Variants in VPS26C observed in about 807,000 individuals in gnomAD.
VPS26C encodes the protein VPS26 endosomal protein sorting factor C.
VPS26C carries 19 observed loss-of-function variants against 30.6 expected under a neutral mutation model. The observed-to-expected ratio is 0.62, with a 90% CI of 0.43 to 0.91. The LOEUF is 0.91. Ranked by LOEUF, VPS26C falls within the 40% of genes least tolerant of loss-of-function variation. VPS26C has a pLI of 0.00. For missense variants in VPS26C, 318 were observed against 385.1 expected (o/e 0.83, Z 1.46); for synonymous variants, 132 against 151.5 (o/e 0.87, Z 0.95).
upstream of VPS26C, chr21:37,267,391 C>T (rs947434078): frequency 8.9e-7 from 1 of 1,128,954 alleles, no homozygotes; most frequent in Non-Finnish European, 1.3e-6. Context: ...GCCCCTTTCC[C>T]TCTCTGCCGG....
intron 1 of VPS26C, among the ~76,000 whole-genome samples, chr21:37,254,227 G>C (rs979699275): frequency 6.6e-6 from 1 of 152,200 alleles, no homozygotes; most frequent in Non-Finnish European, 1.5e-5. Flanking sequence ...TATGAATCAC[G>C]ATAGTGCAGC....
At chr21:37,248,048 A>T (rs2148298333) in intron 1 of VPS26C, among the ~76,000 whole-genome samples, 1 of 152,304 alleles carries the variant, frequency 6.6e-6, no homozygotes, top group Middle Eastern at 3.4e-3. Context: ...CAGATCAAAC[A>T]GTGTCCACAC....
intron 1 of VPS26C, among the ~76,000 whole-genome samples, chr21:37,263,748 C>A (rs181017416): frequency 9.2e-5 from 14 of 152,284 alleles, no homozygotes; most frequent in Non-Finnish European, 1.6e-4. Context: ...CCTCAAGCAA[C>A]CCATAAGAAT....
chr21:37,228,724 C>G (rs1684725494), intron 5 of VPS26C: 1 of 189,156 alleles, frequency 5.3e-6, no homozygotes, highest in South Asian at 9.2e-5. Flanking sequence ...CAACCTGACA[C>G]ACACACAGTT....
chr21:37,225,578 G>T lies in VPS26C; in HGVS notation c.860C>A (p.Thr287Lys). The change falls in exon 8 of 8, where the codon ACG becomes AAG. Residue 287 changes from threonine (T) to lysine (K), a missense_variant. Coordinates refer to ENST00000309117, the MANE Select transcript of VPS26C (RefSeq NM_006052.2). ...GCAGAGCTTCAGCGGGAAGTTCTCC[G>T]TGATGAGGTGGTCAGGGTGAAGCAG... ...VVLLHPDHLI[T>K]ENFPLKLCRI The T allele has an allele frequency of 6.2e-7, 1 of 1,614,112 alleles. No individual in the cohort carries two copies. The highest frequency in any genetic ancestry group is 8.5e-7 in the Non-Finnish European group (1 of 1,180,006).
intron 3 of VPS26C, among the ~76,000 whole-genome samples, chr21:37,236,210 C>T (rs1047123714): frequency 4.6e-5 from 7 of 152,136 alleles, no homozygotes; most frequent in African/African-American, 7.2e-5. Context: ...AGAGTAAGTG[C>T]GGTAAACAGT....
At chr21:37,243,052 A>T (rs1004306476) in intron 1 of VPS26C, among the ~76,000 whole-genome samples, 9 of 152,208 alleles carry the variant, frequency 5.9e-5, no homozygotes, top group Non-Finnish European at 1.2e-4. Context: ...ATTTAGAAAC[A>T]GGAGACGGTT....
At chr21:37,232,055 T>G in intron 5 of VPS26C, 9 of 306,622 alleles carry the variant, frequency 2.9e-5, no homozygotes, top group East Asian at 6.0e-5. Context: ...CGGCTAACCA[T>G]GAGAAATGAA....
chr21:37,233,251 G>C lies in VPS26C; in HGVS notation c.432+111C>G. On this transcript the variant is annotated intron_variant, in intron 4 of 7. Transcript: ENST00000309117. This position sits in a 1 kb window ranked among gnomAD's most constrained non-coding sequence, Gnocchi z 5.2. Reference sequence around the variant, plus strand: ...CCCAGAAGTCTTGTGTCTTCTGCCAGCACCCGTGAAACAGTAAGAGGCTAA... The same window carrying C: ...CCCAGAAGTCTTGTGTCTTCTGCCACCACCCGTGAAACAGTAAGAGGCTAA... The C allele has an allele frequency of 1.1e-6, 1 of 890,920 alleles. No homozygotes were observed. The highest frequency in any genetic ancestry group is 1.8e-6 in the Non-Finnish European group (1 of 549,252). 55.2% of individuals were successfully genotyped at this position (890,920 alleles called of 1,614,324 possible). A position where few individuals can be genotyped will look rare whatever the true frequency, so the allele number is the denominator to read the frequency against.
intron 5 of VPS26C, chr21:37,228,698 G>A (rs777362458): frequency 3.7e-5 from 8 of 216,570 alleles, no homozygotes; most frequent in Non-Finnish European, 7.5e-5. Context: ...TGAGGGAGTC[G>A]CCATGGTGTT....
At chr21:37,247,834 A>T (rs1378854510) in intron 1 of VPS26C, among the ~76,000 whole-genome samples, 1 of 152,184 alleles carries the variant, frequency 6.6e-6, no homozygotes, top group East Asian at 1.9e-4. Context: ...AGGATTAAAC[A>T]AGACAAAGGG....
At chr21:37,256,010 A>G (rs777956810) in intron 1 of VPS26C, among the ~76,000 whole-genome samples, 1 of 151,910 alleles carries the variant, frequency 6.6e-6, no homozygotes, top group Non-Finnish European at 1.5e-5. Flanking sequence ...TAATTTTTGT[A>G]TTTTTAGTAG....
chr21:37,229,018 T>A (rs1485036495), intron 5 of VPS26C: 2 of 89,246 alleles, frequency 2.2e-5, no homozygotes, highest in African/African-American at 9.0e-5. Flanking sequence ...AGATGCTGTC[T>A]CTTAAAAAAA....
chr21:37,249,670 A>C (rs926351900), intron 1 of VPS26C, among the ~76,000 whole-genome samples: 2 of 152,240 alleles, frequency 1.3e-5, no homozygotes, highest in Non-Finnish European at 2.9e-5. Context: ...TCTTAAAAGA[A>C]AATAACACCA....
intron 1 of VPS26C, chr21:37,261,482 C>T (rs907890570): frequency 3.3e-5 from 5 of 152,034 alleles, no homozygotes; most frequent in Admixed American, 2.6e-4. Context: ...ACTTGACATT[C>T]CGTTATCCCA....
At chr21:37,241,989 T>G in intron 1 of VPS26C, among the ~76,000 whole-genome samples, 1 of 152,238 alleles carries the variant, frequency 6.6e-6, no homozygotes, top group African/African-American at 2.4e-5. Context: ...AAATATTCTA[T>G]GTCCCTTAAA....
At chr21:37,236,084 TACAAC>T (rs2086020797) in intron 3 of VPS26C, among the ~76,000 whole-genome samples, 2 of 152,134 alleles carry the variant, frequency 1.3e-5, no homozygotes, top group South Asian at 4.1e-4. Context: ...TTTAGATTGT[TACAAC>T]ACAATTCAAT....
chr21:37,233,314 A>T lies in VPS26C; in HGVS notation c.432+48T>A. The T allele has an allele frequency of 1.3e-6, 2 of 1,502,760 alleles. No individual in the cohort carries two copies. The highest frequency in any genetic ancestry group is 1.9e-6 in the Non-Finnish European group (2 of 1,078,514). 93.1% of individuals were successfully genotyped at this position (1,502,760 alleles called of 1,614,324 possible). On this transcript the variant is annotated intron_variant, in intron 4 of 7. Coordinates refer to ENST00000309117, the MANE Select transcript of VPS26C (RefSeq NM_006052.2). This position sits in a 1 kb window ranked among gnomAD's most constrained non-coding sequence, Gnocchi z 5.2. ...TAAATAGGGTAAACTCTCAGACCCC[A>T]TGGGAGATTCCTATCATTAAGCACC... is the stretch of plus-strand genomic sequence containing the variant.
At chr21:37,247,422 G>A (rs1478728927) in intron 1 of VPS26C, among the ~76,000 whole-genome samples, 2 of 152,130 alleles carry the variant, frequency 1.3e-5, no homozygotes, top group Non-Finnish European at 2.9e-5. Flanking sequence ...TCTAAAATGT[G>A]AAGATTCAGG....
Sources: gnomAD v4.1 joint callset for allele counts (sites outside exome capture counted in the v4.1 genomes callset) on GRCh38, gnomAD v4.1.1 for gene constraint, Gnocchi (gnomAD v3.1) non-coding constraint, MANE v1.5 for transcripts, NCBI Gene and HGNC (gene_info 2026-07-23, HGNC 2026-07-21) for gene names.